Variants in TMTC2 observed in about 807,000 individuals in gnomAD.
The protein encoded by TMTC2 is transmembrane O-mannosyltransferase targeting cadherins 2, also known as protein O-mannosyl-transferase TMTC2.
In TMTC2, 43 loss-of-function variants were observed where a neutral mutation model predicts 82.4. The ratio of observed to expected loss-of-function variants is 0.52; its 90% confidence interval spans 0.41 to 0.67. TMTC2 has a LOEUF of 0.67. Among genes scored for constraint, TMTC2 ranks in the 30% least tolerant of loss-of-function variants. The probability of loss-of-function intolerance (pLI) is 0.00; values close to 1 mark genes in which losing one functional copy is unlikely to be tolerated. For missense variants in TMTC2, 919 were observed against 1,012.4 expected (o/e 0.91, Z 1.25); for synonymous variants, 408 against 381.9 (o/e 1.07, Z -0.80).
chr12:82,997,364 A>ATATATATATG lies in TMTC2; in HGVS notation c.2070+11319_2070+11320insATATATATGT, dbSNP rs1565845075. Among the ~76,000 whole-genome samples the ATATATATATG allele has an allele frequency of 9.0e-4, 26 of 28,944 alleles. 1 individual carries two copies. In the East Asian group the frequency reaches 0.022, roughly 25 times the overall value. 19.0% of individuals were successfully genotyped at this position (28,944 alleles called of 152,430 possible). ...TGTGTGTGTGTATATATATATATAT[A>ATATATATATG]TGTGTATATATATATATGTGTATAT... On this transcript the variant is annotated intron_variant, in intron 8 of 11. Coordinates refer to ENST00000321196, the MANE Select transcript of TMTC2 (RefSeq NM_152588.3).
At chr12:83,058,998 A>G (rs1221607136) in intron 10 of TMTC2, among the ~76,000 whole-genome samples, 1 of 151,850 alleles carries the variant, frequency 6.6e-6, no homozygotes, top group African/African-American at 2.4e-5. Context: ...GGTAAATGAA[A>G]TAATCTATTC....
intron 2 of TMTC2, among the ~76,000 whole-genome samples, chr12:82,876,042 G>GTGA (rs1872489811): frequency 8.3e-6 from 1 of 120,210 alleles, no homozygotes; most frequent in Non-Finnish European, 1.8e-5. Context: ...GGTGGTGGTG[G>GTGA]TGGTGGTGGT....
At chr12:82,826,482 G>A (rs1869428585) in intron 1 of TMTC2, among the ~76,000 whole-genome samples, 1 of 151,992 alleles carries the variant, frequency 6.6e-6, no homozygotes. Flanking sequence ...AGAGTCCAAA[G>A]TATAATTTTA....
chr12:82,964,120 A>G (rs185873919), intron 4 of TMTC2, among the ~76,000 whole-genome samples: 114 of 151,930 alleles, frequency 7.5e-4, no homozygotes, highest in Middle Eastern at 3.4e-3. Context: ...ATTTGAGATG[A>G]TAACAGCAGT....
chr12:82,860,565 G>A (rs554245746), intron 2 of TMTC2, among the ~76,000 whole-genome samples: 3 of 152,342 alleles, frequency 2.0e-5, no homozygotes, highest in African/African-American at 7.2e-5. Context: ...AATGAAGGCA[G>A]CTATAGTTCT....
intron 4 of TMTC2, among the ~76,000 whole-genome samples, chr12:82,933,169 A>T (rs904740346): frequency 6.6e-6 from 1 of 152,192 alleles, no homozygotes; most frequent in Non-Finnish European, 1.5e-5. Context: ...CTAAACGGAG[A>T]AGCTTAAATT....
At chr12:82,957,383 C>A (rs1041164091) in intron 4 of TMTC2, among the ~76,000 whole-genome samples, 1 of 151,994 alleles carries the variant, frequency 6.6e-6, no homozygotes. Flanking sequence ...CAGCAAAAGC[C>A]GTGTTAAGAG....
At chr12:82,878,116 T>A (rs1470548868) in intron 2 of TMTC2, among the ~76,000 whole-genome samples, 1 of 152,236 alleles carries the variant, frequency 6.6e-6, no homozygotes, top group African/African-American at 2.4e-5. Flanking sequence ...ATTTGCTCAA[T>A]CATTCATGTA....
rs1323786465 is a variant in TMTC2 at position 82,969,938 on chromosome 12, G to T, written c.1948+2941G>T. Among the ~76,000 whole-genome samples, 8 of 152,224 alleles carry T rather than the reference G, an allele frequency of 5.3e-5. 1 individual carries two copies. The East Asian group carries it at 1.4e-3, about 26-fold the overall frequency. ...ACAAAAGCTAAAATTTTACTTAGGT[G>T]CATATAATTAGGAAGATATGAGAAT... On this transcript the variant is annotated intron_variant, in intron 7 of 11. Transcript: ENST00000321196.
chr12:82,765,156 G>A (rs1186236133), intron 1 of TMTC2, among the ~76,000 whole-genome samples: 2 of 152,170 alleles, frequency 1.3e-5, no homozygotes, highest in African/African-American at 4.8e-5. Context: ...TGGGGAGGCA[G>A]GTTTGCGCGA....
At chr12:83,005,402 C>A (rs1327484371) in intron 8 of TMTC2, among the ~76,000 whole-genome samples, 1 of 151,236 alleles carries the variant, frequency 6.6e-6, no homozygotes, top group Non-Finnish European at 1.5e-5. Flanking sequence ...TGTGATTCAG[C>A]ACCTTTGCAG....
At chr12:82,850,458 T>C (rs1870915358) in intron 1 of TMTC2, among the ~76,000 whole-genome samples, 1 of 152,016 alleles carries the variant, frequency 6.6e-6, no homozygotes, top group Non-Finnish European at 1.5e-5. Context: ...TGGAGTCATA[T>C]AATGGAGAAG....
At chr12:82,989,542 C>A (rs2137345094) in intron 8 of TMTC2, among the ~76,000 whole-genome samples, 1 of 151,518 alleles carries the variant, frequency 6.6e-6, no homozygotes, top group African/African-American at 2.4e-5. Flanking sequence ...TTTCAGATGT[C>A]TAATTCATTG....
At chr12:82,695,164 G>A (rs1872729730) in intron 1 of TMTC2, among the ~76,000 whole-genome samples, 1 of 152,136 alleles carries the variant, frequency 6.6e-6, no homozygotes. Context: ...AAAATCCGGT[G>A]GGAAGAATGG....
intron 1 of TMTC2, among the ~76,000 whole-genome samples, chr12:82,730,383 C>T (rs1037940955): frequency 2.7e-5 from 4 of 147,674 alleles, no homozygotes; most frequent in Admixed American, 6.8e-5. Context: ...TTGGGCTTTT[C>T]TTCTGCTATT....
chr12:82,706,903 C>T (rs13377783), intron 1 of TMTC2, among the ~76,000 whole-genome samples: 1,874 of 152,296 alleles, frequency 0.012, 35 homozygotes, highest in African/African-American at 0.043. Flanking sequence ...GTCAGAACAT[C>T]TCTGCTCACA....
intron 11 of TMTC2, among the ~76,000 whole-genome samples, chr12:83,075,876 G>A (rs914852513): frequency 6.6e-6 from 1 of 152,184 alleles, no homozygotes; most frequent in Non-Finnish European, 1.5e-5. Context: ...CTAGCTTGTG[G>A]TGCATTGACT....
intron 7 of TMTC2, among the ~76,000 whole-genome samples, chr12:82,980,626 TTG>T (rs1878875904): frequency 6.6e-6 from 1 of 151,778 alleles, no homozygotes; most frequent in Non-Finnish European, 1.5e-5. Context: ...AAATTATAAT[TTG>T]TGTGAGTCCT....
At chr12:83,124,676 T>C (rs1232471557) in intron 11 of TMTC2, among the ~76,000 whole-genome samples, 1 of 151,036 alleles carries the variant, frequency 6.6e-6, no homozygotes, top group East Asian at 1.9e-4. Flanking sequence ...ATGACAGAAA[T>C]AGAAGTTTCA....
Sources: gnomAD v4.1 joint callset for allele counts (sites outside exome capture counted in the v4.1 genomes callset) on GRCh38, gnomAD v4.1.1 for gene constraint, MANE v1.5 for transcripts, NCBI Gene and HGNC (gene_info 2026-07-23, HGNC 2026-07-21) for gene names.